CCDC175: variants seen among roughly 807,000 people sequenced by gnomAD.
CCDC175 encodes coiled-coil domain-containing protein 175.
CCDC175 carries 100 observed loss-of-function variants against 114.6 expected under a neutral mutation model. The ratio of observed to expected loss-of-function variants is 0.87; its 90% CI spans 0.74 to 1.03. CCDC175 has a LOEUF of 1.03. Among genes scored for constraint, CCDC175 ranks in the 50% least tolerant of loss-of-function variants. CCDC175 has a pLI of 0.00. For synonymous variants in CCDC175, 306 were observed against 308.7 expected, an observed-to-expected ratio of 0.99 and a Z score of 0.09; for missense variants, 880 against 917.8, an observed-to-expected ratio of 0.96 and a Z score of 0.53.
Position 59,535,844 on chromosome 14 carries a change from C to T in CCDC175, c.1623+2179G>A, listed in dbSNP as rs545858320. The stretch of plus-strand genomic sequence containing the variant: ...ACACCATTGTGAGGAATGTGTTTAG[C>T]TCACACATCCAATAGTTGGCTCCTT... On this transcript the variant is annotated intron_variant, in intron 13 of 19. Coordinates refer to ENST00000537690, the MANE Select transcript of CCDC175 (RefSeq NM_001164399.2). 3.9e-5 allele frequency among the ~76,000 whole-genome samples: 6 copies of T among 152,338 alleles called. No homozygotes were observed. The South Asian group carries it at 1.2e-3, about 32-fold the overall frequency.
Position 59,537,816 on chromosome 14 carries a change from T to C in CCDC175, c.1623+207A>G, listed in dbSNP as rs926945605. ...CAGTTCTACATAATTTGAAGTGTGA[T>C]TATTATTATTATTTTTTCTGAAAAA... is the stretch of plus-strand genomic sequence containing the variant. On this transcript the variant is annotated intron_variant, in intron 13 of 19. Transcript: ENST00000537690. 3.9e-4 allele frequency among the ~76,000 whole-genome samples: 59 copies of C among 152,144 alleles called. 1 individual carries two copies. The highest frequency in any genetic ancestry group is 6.3e-3 in the Middle Eastern group (2 of 316).
chr14:59,552,345 C>A (rs1056132845), intron 7 of CCDC175, among the ~76,000 whole-genome samples: 2 of 152,222 alleles, frequency 1.3e-5, no homozygotes, highest in Non-Finnish European at 2.9e-5. Flanking sequence ...GCTGCTGACA[C>A]CCAGGCAAAC....
intron 7 of CCDC175, among the ~76,000 whole-genome samples, chr14:59,554,663 CAATG>C (rs1895759024): frequency 6.6e-6 from 1 of 152,052 alleles, no homozygotes; most frequent in Admixed American, 6.5e-5. Context: ...TTCAAAAAAT[CAATG>C]AATCCAGGAG....
rs140076678 is a variant in CCDC175 at position 59,512,805 on chromosome 14, GGTGTGTGTGTGTGTGTGTGT to G, written c.2099-1022_2099-1003del. On this transcript the variant is annotated intron_variant, in intron 17 of 19. Coordinates refer to ENST00000537690, the MANE Select transcript of CCDC175 (RefSeq NM_001164399.2). ...CAAACCCAATTAAGATCTCAGCAGG[GGTGTGTGTGTGTGTGTGTGT>G]GTGTGTGTGTGTGTGTGTGTGTAGA... Among the ~76,000 whole-genome samples the G allele has an allele frequency of 3.5e-5, 5 of 144,456 alleles. No homozygotes were observed. In the South Asian group the frequency reaches 7.0e-4, roughly 20 times the overall value. 94.8% of individuals were successfully genotyped at this position (144,456 alleles called of 152,430 possible).
At chr14:59,541,035 G>A (rs923431332) in intron 10 of CCDC175, among the ~76,000 whole-genome samples, 1 of 152,152 alleles carries the variant, frequency 6.6e-6, no homozygotes, top group Non-Finnish European at 1.5e-5. Context: ...TCAGAGGGAG[G>A]AATGTGGATT....
At chr14:59,567,570 G>A (rs184491763) in intron 4 of CCDC175, among the ~76,000 whole-genome samples, 109 of 152,076 alleles carry the variant, frequency 7.2e-4, no homozygotes, top group Non-Finnish European at 1.2e-3. Context: ...TTCTTCAAGG[G>A]GGCCTATCTT....
At chr14:59,560,501 T>G (rs1384778853) in intron 7 of CCDC175, among the ~76,000 whole-genome samples, 1 of 152,100 alleles carries the variant, frequency 6.6e-6, no homozygotes, top group Non-Finnish European at 1.5e-5. Context: ...CTTTAAAGAT[T>G]GTTGGACCTG....
intron 19 of CCDC175, among the ~76,000 whole-genome samples, chr14:59,506,893 CA>C (rs1252289165): frequency 2.0e-5 from 3 of 151,940 alleles, no homozygotes; most frequent in Non-Finnish European, 4.4e-5. Context: ...TTCCATAGCC[CA>C]TGTATCAATA....
In CCDC175 at chr14:59,525,267, T is replaced by A. The variant is rs1174232737; in HGVS notation, c.1995+15A>T. ...ATCAAAGCCATCATGAAAAGGATGG[T>A]GCTCTTAAACTTACTTCTTTTAATT... On this transcript the variant is annotated intron_variant, in intron 16 of 19. Transcript: ENST00000537690. The A allele has an allele frequency of 2.2e-5, 32 of 1,423,398 alleles. 1 individual carries two copies. In the East Asian group the frequency reaches 6.9e-4, roughly 31 times the overall value. 88.2% of individuals were successfully genotyped at this position (1,423,398 alleles called of 1,614,324 possible).
intron 17 of CCDC175, among the ~76,000 whole-genome samples, chr14:59,512,175 A>T (rs2139955056): frequency 6.6e-6 from 1 of 152,360 alleles, no homozygotes; most frequent in Non-Finnish European, 1.5e-5. Flanking sequence ...AACTGAATCC[A>T]GCAATAGACA....
intron 7 of CCDC175, among the ~76,000 whole-genome samples, chr14:59,557,730 T>A (rs1255112781): frequency 6.6e-6 from 1 of 152,094 alleles, no homozygotes; most frequent in Non-Finnish European, 1.5e-5. Context: ...TATGTATATA[T>A]TTATCAAAAT....
rs139133567 is a variant in CCDC175, at chr14:59,536,926, G to C, written c.1623+1097C>G. On this transcript the variant is annotated intron_variant, in intron 13 of 19. Coordinates refer to ENST00000537690, the MANE Select transcript of CCDC175 (RefSeq NM_001164399.2). Reference sequence around the variant, plus strand: ...CTCCCGAGTAGCTGGGATTACAGGGGCATGCCACCATGCCTGGCTAATTTT... The same window carrying C: ...CTCCCGAGTAGCTGGGATTACAGGGCCATGCCACCATGCCTGGCTAATTTT... Among the ~76,000 whole-genome samples, 71 of 152,136 alleles carry C rather than the reference G, an allele frequency of 4.7e-4. 1 individual carries two copies. In the East Asian group the frequency reaches 0.013, roughly 27 times the overall value.
chr14:59,561,137 G>T lies in CCDC175; in HGVS notation c.935C>A (p.Ala312Glu). The change falls in exon 7 of 20, where the codon GCA becomes GAA. Residue 312 changes from alanine to glutamate, a missense_variant. Transcript: ENST00000537690. Reference sequence around the variant, plus strand: ...CACTTACAGTTTCGCCTCCAGAATTGCAAGGTCTTTCTTTAGCTCACTGAC... The same window carrying T: ...CACTTACAGTTTCGCCTCCAGAATTTCAAGGTCTTTCTTTAGCTCACTGAC... ...QEVSELKKDLAILEAKLCFFT... is the reference protein window; with the variant it reads ...QEVSELKKDLEILEAKLCFFT... 6.5e-7 allele frequency: 1 copy of T among 1,528,578 alleles called. No homozygotes were observed. The highest frequency in any genetic ancestry group is 8.8e-7 in the Non-Finnish European group (1 of 1,139,522). The allele number at this position is 1,528,578 out of a possible 1,614,324, so 94.7% of individuals were successfully genotyped here.
In CCDC175 at chr14:59,525,656, G is replaced by A. The variant is rs1893696302; in HGVS notation, c.1843-222C>T. On this transcript the variant is annotated intron_variant, in intron 15 of 19. Coordinates refer to ENST00000537690, the MANE Select transcript of CCDC175 (RefSeq NM_001164399.2). ...TCAAGATAAGAACCCCAGACCTTGA[G>A]ACAACTTCACAAAATAAAATATACA... 3.3e-5 allele frequency among the ~76,000 whole-genome samples: 5 copies of A among 152,108 alleles called. No individual in the cohort carries two copies. The South Asian group carries it at 8.3e-4, about 25-fold the overall frequency.
In CCDC175 at chr14:59,511,371, G is replaced by A. The variant is rs144480323; in HGVS notation, c.2142+389C>T. 5.6e-3 allele frequency among the ~76,000 whole-genome samples: 845 copies of A among 152,058 alleles called. 4 individuals carry two copies. The highest frequency in any genetic ancestry group is 0.031 in the Middle Eastern group (9 of 294). ...GCCTATCTGACTCTGAAGTGGGGAG[G>A]GTGCAGATGTTGCACTGGTAAAACA... On this transcript the variant is annotated intron_variant, in intron 18 of 19. Coordinates refer to ENST00000537690, the MANE Select transcript of CCDC175 (RefSeq NM_001164399.2).
At chr14:59,570,895 C>T (rs192650838) in intron 3 of CCDC175, among the ~76,000 whole-genome samples, 280 of 152,220 alleles carry the variant, frequency 1.8e-3, no homozygotes, top group Non-Finnish European at 3.4e-3. Flanking sequence ...TGCGCCACCA[C>T]GCCTGGCTAA....
chr14:59,558,087 C>T (rs1265267556), intron 7 of CCDC175, among the ~76,000 whole-genome samples: 1 of 152,062 alleles, frequency 6.6e-6, no homozygotes, highest in East Asian at 1.9e-4. Flanking sequence ...TAAGACAGAG[C>T]CAGCAACATG....
intron 18 of CCDC175, 139 bp downstream of exon 18, chr14:59,511,621 A>C: frequency 2.1e-6 from 1 of 467,872 alleles, no homozygotes; most frequent in Non-Finnish European, 3.8e-6. Context: ...CAGGGGAGTG[A>C]GAGAGCTAGT....
At position 59,506,412 on chromosome 14, in the gene CCDC175, C is replaced by T. The variant is rs1289638383; in HGVS notation, c.2306-1097G>A. Among the ~76,000 whole-genome samples the T allele has an allele frequency of 3.3e-5, 5 of 151,912 alleles. No individual in the cohort carries two copies. The East Asian group carries it at 7.8e-4, about 24-fold the overall frequency. Reference sequence around the variant, plus strand: ...AAGTGATTCTCATGCCTCAGCCTCCCAAGCAGCTGGGATTATAGGTGCCCG... The same window carrying T: ...AAGTGATTCTCATGCCTCAGCCTCCTAAGCAGCTGGGATTATAGGTGCCCG... On this transcript the variant is annotated intron_variant, in intron 19 of 19. Coordinates refer to ENST00000537690, the MANE Select transcript of CCDC175 (RefSeq NM_001164399.2).
Sources: allele counts gnomAD v4.1 joint callset (sites outside exome capture counted in the v4.1 genomes callset), GRCh38; gene constraint gnomAD v4.1.1; transcripts MANE v1.5; gene names NCBI Gene and HGNC (gene_info 2026-07-23, HGNC 2026-07-21).